HYCC2: variants seen among roughly 807,000 people sequenced by gnomAD.
HYCC2 encodes hyccin 2.
the HYCC2 span, among the ~76,000 whole-genome samples, chr2:201,035,395 G>A: frequency 9.9e-5 from 15 of 151,768 alleles, no homozygotes; most frequent in Non-Finnish European, 2.1e-4. Context: ...TGATTGAATC[G>A]GCTACTGAGG....
chr2:201,040,438 C>T, the HYCC2 span, among the ~76,000 whole-genome samples: 17 of 148,262 alleles, frequency 1.1e-4, no homozygotes, highest in African/African-American at 4.4e-4. Flanking sequence ...TTGAGAATAG[C>T]ATTTTGTTGT....
chr2:200,988,418 C>T, the HYCC2 span: 1 of 1,610,502 alleles, frequency 6.2e-7, no homozygotes, highest in African/African-American at 1.3e-5. Flanking sequence ...ATGGCATTGG[C>T]AACCTACAAT....
At chr2:200,976,355 A>C in the HYCC2 span, 11 of 152,174 alleles carry the variant, frequency 7.2e-5, no homozygotes, top group Non-Finnish European at 1.5e-4. Context: ...CCCAAAACAT[A>C]CTTTGTAATC....
At chr2:200,997,804 G>T in the HYCC2 span, among the ~76,000 whole-genome samples, 2 of 152,294 alleles carry the variant, frequency 1.3e-5, no homozygotes, top group East Asian at 3.9e-4. Flanking sequence ...TTGGGAGGCC[G>T]AAGTGGGTGG....
At chr2:201,019,451 A>G in the HYCC2 span, among the ~76,000 whole-genome samples, 5 of 152,160 alleles carry the variant, frequency 3.3e-5, no homozygotes, top group African/African-American at 1.2e-4. Flanking sequence ...ACTACAAAGT[A>G]AGACCGTTAA....
the HYCC2 span, chr2:201,022,959 A>C: frequency 6.8e-7 from 1 of 1,466,814 alleles, no homozygotes; most frequent in Admixed American, 1.8e-5. Flanking sequence ...AAGGAAAACA[A>C]AAGTGAACAT....
chr2:200,988,045 ATTTTG>A, the HYCC2 span, among the ~76,000 whole-genome samples: 2 of 152,002 alleles, frequency 1.3e-5, no homozygotes, highest in Non-Finnish European at 2.9e-5. Flanking sequence ...ACCTCATCTT[ATTTTG>A]TTTTAATCTT....
At chr2:201,057,764 A>G in the HYCC2 span, among the ~76,000 whole-genome samples, 1 of 152,168 alleles carries the variant, frequency 6.6e-6, no homozygotes, top group Non-Finnish European at 1.5e-5. Flanking sequence ...ACATGGTTGC[A>G]TACAGTCTGC....
At chr2:201,041,099 CA>C in the HYCC2 span, among the ~76,000 whole-genome samples, 37 of 152,250 alleles carry the variant, frequency 2.4e-4, no homozygotes, top group Admixed American at 7.8e-4. Context: ...ATACTTAGAA[CA>C]GTTCTTATCA....
the HYCC2 span, among the ~76,000 whole-genome samples, chr2:201,053,746 C>A: frequency 1.3e-5 from 2 of 151,488 alleles, no homozygotes; most frequent in African/African-American, 4.9e-5. Flanking sequence ...GGGTGGATCA[C>A]GAGGTCAGGA....
At chr2:201,046,260 T>C in the HYCC2 span, among the ~76,000 whole-genome samples, 1 of 152,224 alleles carries the variant, frequency 6.6e-6, no homozygotes, top group Non-Finnish European at 1.5e-5. Flanking sequence ...GACTACATTA[T>C]GCTCTACCTT....
chr2:200,984,870 G>A, the HYCC2 span, among the ~76,000 whole-genome samples: 41 of 152,182 alleles, frequency 2.7e-4, no homozygotes, highest in Non-Finnish European at 5.0e-4. Flanking sequence ...GGTCACACCT[G>A]GGGAGGCCAA....
chr2:201,028,097 GA>G, the HYCC2 span, among the ~76,000 whole-genome samples: 1 of 152,194 alleles, frequency 6.6e-6, no homozygotes, highest in Non-Finnish European at 1.5e-5. Flanking sequence ...TCCTTAAGCT[GA>G]TAAGCAACTT....
At chr2:201,046,719 G>C in the HYCC2 span, among the ~76,000 whole-genome samples, 9 of 152,208 alleles carry the variant, frequency 5.9e-5, no homozygotes, top group African/African-American at 2.2e-4. Context: ...AAAGAAAAAG[G>C]CCAAATGACA....
chr2:201,032,053 C>G, the HYCC2 span, among the ~76,000 whole-genome samples: 1 of 152,084 alleles, frequency 6.6e-6, no homozygotes, highest in African/African-American at 2.4e-5. Context: ...CTCCACCTCC[C>G]GGATTCAAGC....
At chr2:201,006,332 G>T in the HYCC2 span, among the ~76,000 whole-genome samples, 2 of 148,438 alleles carry the variant, frequency 1.3e-5, no homozygotes, top group African/African-American at 5.0e-5. Flanking sequence ...GCAGAGATAG[G>T]GTTTTGCCAC....
chr2:201,038,149 T>A, the HYCC2 span, among the ~76,000 whole-genome samples: 1 of 152,152 alleles, frequency 6.6e-6, no homozygotes, highest in South Asian at 2.1e-4. Context: ...AAAATGCTCA[T>A]CATCACTGGC....
chr2:201,011,410 C>G, the HYCC2 span: 18 of 1,574,986 alleles, frequency 1.1e-5, no homozygotes, highest in Non-Finnish European at 1.6e-5. Context: ...ATATTGAAGG[C>G]TTGGATAAGG....
the HYCC2 span, among the ~76,000 whole-genome samples, chr2:201,067,732 A>C: frequency 6.6e-6 from 1 of 152,240 alleles, no homozygotes; most frequent in African/African-American, 2.4e-5. Context: ...TTCATCATAT[A>C]GCATTATCAG....
Sources: allele counts gnomAD v4.1 joint callset (sites outside exome capture counted in the v4.1 genomes callset), GRCh38; gene constraint gnomAD v4.1.1; transcripts MANE v1.5; gene names NCBI Gene and HGNC (gene_info 2026-07-23, HGNC 2026-07-21).